ERICH6B: variants seen among roughly 807,000 people sequenced by gnomAD.
ERICH6B encodes glutamate rich 6B, also known as glutamate-rich protein 6B.
Under a neutral mutation model 80.0 loss-of-function variants are expected in ERICH6B, and 69 were observed. The ratio of observed to expected loss-of-function variants is 0.86; its 90% confidence interval spans 0.71 to 1.05. The LOEUF is 1.05. Among genes scored for constraint, ERICH6B ranks in the 50% least tolerant of loss-of-function variants. ERICH6B has a pLI of 0.00. For synonymous variants in ERICH6B, 283 were observed against 291.9 expected, an observed-to-expected ratio of 0.97 and a Z score of 0.31; for missense variants, 754 against 796.1, an observed-to-expected ratio of 0.95 and a Z score of 0.64.
chr13:45,590,221 A>G (rs1876101662), intron 4 of ERICH6B, among the ~76,000 whole-genome samples: 1 of 151,638 alleles, frequency 6.6e-6, no homozygotes, highest in Non-Finnish European at 1.5e-5. Flanking sequence ...AAGTCCTGTC[A>G]CAAGATTTTA....
At chr13:45,549,731 T>G (rs1265836573) in intron 13 of ERICH6B, among the ~76,000 whole-genome samples, 162 bp downstream of exon 13, 1 of 152,222 alleles carries the variant, frequency 6.6e-6, no homozygotes. Context: ...GCCTCCTCTG[T>G]GGTCAGGGAC....
At chr13:45,592,678 A>T (rs1220057883) in intron 3 of ERICH6B, among the ~76,000 whole-genome samples, 1 of 152,206 alleles carries the variant, frequency 6.6e-6, no homozygotes, top group Non-Finnish European at 1.5e-5. Flanking sequence ...AGAATTTATC[A>T]TTAGGAATGT....
At chr13:45,606,770 T>A (rs1202064717) in intron 2 of ERICH6B, among the ~76,000 whole-genome samples, 2 of 151,594 alleles carry the variant, frequency 1.3e-5, no homozygotes, top group African/African-American at 4.9e-5. Context: ...GCCAGCCTGG[T>A]CTCGAGCTCC....
At chr13:45,575,494 G>T (rs1474891006) in intron 7 of ERICH6B, among the ~76,000 whole-genome samples, 4 of 152,162 alleles carry the variant, frequency 2.6e-5, no homozygotes, top group Non-Finnish European at 4.4e-5. Flanking sequence ...GCTTTCAAAG[G>T]ACCTTGTAGG....
At chr13:45,560,053 C>T (rs1874602365) in intron 11 of ERICH6B, among the ~76,000 whole-genome samples, 1 of 152,126 alleles carries the variant, frequency 6.6e-6, no homozygotes, top group Non-Finnish European at 1.5e-5. Flanking sequence ...AATTTGGGAG[C>T]TCCAATGTTA....
intron 11 of ERICH6B, among the ~76,000 whole-genome samples, chr13:45,557,172 G>T (rs754558376): frequency 1.2e-4 from 19 of 152,068 alleles, no homozygotes; most frequent in Non-Finnish European, 2.6e-4. Context: ...GTTTTGATTT[G>T]CATTTCCCTG....
Position 45,561,495 on chromosome 13 carries a change from T to G in ERICH6B, c.1281A>C (p.Thr427=). The G allele has an allele frequency of 6.4e-7, 1 of 1,551,914 alleles. No homozygotes were observed. Among genetic ancestry groups the G allele is most frequent in the South Asian group, 1.2e-5 (1 of 84,068 alleles). ...GTGTTGGTTTGCTCATTAAATGAAATGTGAAACTGGTCATCTCTGTTAACT... is the reference window on the plus strand; with the variant it reads ...GTGTTGGTTTGCTCATTAAATGAAAGGTGAAACTGGTCATCTCTGTTAACT... ...AQKLTEMTSF[T]FHLMSKPTPE... The change falls in exon 11 of 15, where the codon ACA becomes ACC. Residue 427 remains threonine, a synonymous_variant. Transcript: ENST00000298738.
chr13:45,578,557 C>T lies in ERICH6B; in HGVS notation c.961+1376G>A, dbSNP rs138613306. On this transcript the variant is annotated intron_variant, in intron 7 of 14. Transcript: ENST00000298738. ...CAGGACTAGCTCCAAAGCGAGCAAC[C>T]CAGTGCCACTGATTGACAAGCACAC... Among the ~76,000 whole-genome samples, 1,070 of 152,272 alleles carry T rather than the reference C, an allele frequency of 7.0e-3. 11 individuals carry two copies. Among genetic ancestry groups the T allele is most frequent in the African/African-American group, 0.024 (997 of 41,550 alleles).
intron 5 of ERICH6B, among the ~76,000 whole-genome samples, chr13:45,582,669 G>T (rs567869562): frequency 3.2e-4 from 48 of 152,194 alleles, no homozygotes; most frequent in Non-Finnish European, 6.6e-4. Flanking sequence ...TGGAAACTGG[G>T]TTGACTCTGA....
chr13:45,600,783 T>C lies in ERICH6B; in HGVS notation c.-58-3720A>G, dbSNP rs376674566. On this transcript the variant is annotated intron_variant, in intron 2 of 14. Transcript: ENST00000298738. ...TTAGGTTGATTCCATATCTTTGCTA[T>C]TGTGAATACTGCTATGATAAACATA... Among the ~76,000 whole-genome samples the C allele has an allele frequency of 6.6e-4, 101 of 152,332 alleles. 1 individual carries two copies. The highest frequency in any genetic ancestry group is 2.4e-3 in the African/African-American group (99 of 41,570).
chr13:45,572,054 A>T (rs556314786), intron 8 of ERICH6B, among the ~76,000 whole-genome samples: 1 of 152,236 alleles, frequency 6.6e-6, no homozygotes, highest in African/African-American at 2.4e-5. Context: ...CCAAATAAAA[A>T]TCTTTAGCCA....
chr13:45,572,952 G>A (rs1394596041), intron 8 of ERICH6B, among the ~76,000 whole-genome samples: 2 of 150,688 alleles, frequency 1.3e-5, no homozygotes, highest in East Asian at 2.0e-4. Flanking sequence ...CTTGGTGGTC[G>A]AGGATATGAT....
At chr13:45,583,930 C>A (rs1875785242) in intron 5 of ERICH6B, among the ~76,000 whole-genome samples, 1 of 152,218 alleles carries the variant, frequency 6.6e-6, no homozygotes, top group African/African-American at 2.4e-5. Flanking sequence ...CCTCTCCTTA[C>A]ACCTCTGCGT....
rs556332916 is a variant in ERICH6B at position 45,614,393 on chromosome 13, C to T, written c.-111+1292G>A. Among the ~76,000 whole-genome samples the T allele has an allele frequency of 9.9e-5, 15 of 152,250 alleles. No homozygotes were observed. In the South Asian group the frequency reaches 1.2e-3, roughly 13 times the overall value. Reference sequence around the variant, plus strand: ...CTGCCTCACCCATGAGACTGTAGCCCGGCACCATGTCAGGCACGTAGCAGG... The same window carrying T: ...CTGCCTCACCCATGAGACTGTAGCCTGGCACCATGTCAGGCACGTAGCAGG... On this transcript the variant is annotated intron_variant, in intron 1 of 14. Transcript: ENST00000298738.
At chr13:45,580,758 C>T in intron 5 of ERICH6B, 93 bp from the exon 6 acceptor site, 1 of 1,315,768 alleles carries the variant, frequency 7.6e-7, no homozygotes, top group Admixed American at 2.0e-5. Context: ...CAGGTTCTTT[C>T]TTGGCACCCA....
chr13:45,590,968 C>T (rs1406426648), intron 3 of ERICH6B, among the ~76,000 whole-genome samples: 1 of 152,196 alleles, frequency 6.6e-6, no homozygotes, highest in African/African-American at 2.4e-5. Context: ...ATCCCAGAAG[C>T]CTACTTCTGT....
At chr13:45,610,932 G>C (rs1406415304) in intron 1 of ERICH6B, among the ~76,000 whole-genome samples, 4 of 151,456 alleles carry the variant, frequency 2.6e-5, no homozygotes, top group Non-Finnish European at 5.9e-5. Context: ...CAAGGACAGG[G>C]GTTTCCTATA....
intron 14 of ERICH6B, 101 bp from the exon 15 acceptor site, chr13:45,541,781 G>T: frequency 9.6e-7 from 1 of 1,045,680 alleles, no homozygotes; most frequent in Non-Finnish European, 1.4e-6. Context: ...AGCGTTCCCT[G>T]AGCCTTCACT....
At chr13:45,610,907 C>A (rs1358545398) in intron 1 of ERICH6B, among the ~76,000 whole-genome samples, 2 of 151,300 alleles carry the variant, frequency 1.3e-5, no homozygotes, top group Non-Finnish European at 2.9e-5. Flanking sequence ...AGATATTTTA[C>A]AGACTAGGTC....
Sources: allele counts gnomAD v4.1 joint callset (sites outside exome capture counted in the v4.1 genomes callset), GRCh38; gene constraint gnomAD v4.1.1; transcripts MANE v1.5; gene names NCBI Gene and HGNC (gene_info 2026-07-23, HGNC 2026-07-21).